UGT2A2: variants seen among roughly 807,000 people sequenced by gnomAD.
UGT2A2 encodes the protein UDP-glucuronosyltransferase 2A2.
A neutral mutation model predicts 50.7 loss-of-function variants in UGT2A2; 60 were observed. The ratio of observed to expected loss-of-function variants is 1.18; its 90% CI spans 0.96 to 1.47. The LOEUF is 1.47. UGT2A2 is among the 40% of genes most tolerant of loss of function. The pLI, the probability that UGT2A2 is intolerant of heterozygous loss-of-function variation, is 0.00. For missense variants in UGT2A2, 762 were observed against 634.0 expected (o/e 1.20, Z -2.17); for synonymous variants, 242 against 214.6 (o/e 1.13, Z -1.11).
intron 1 of UGT2A2, among the ~76,000 whole-genome samples, chr4:69,636,312 G>A (rs1721708239): frequency 1.3e-5 from 2 of 152,252 alleles, no homozygotes; most frequent in East Asian, 1.9e-4. Flanking sequence ...TTCAATATCA[G>A]TTTACAGTTA....
In UGT2A2 at chr4:69,625,017, C is replaced by T. The variant is rs1197143160; in HGVS notation, c.742+13882G>A. On this transcript the variant is annotated intron_variant, in intron 1 of 5. Coordinates refer to ENST00000604629, the MANE Select transcript of UGT2A2 (RefSeq NM_001105677.2). ...TCTTGTAGCAACAAAAAAAATCAGC[C>T]TTTATTTTTAAAATTAAATTGGCTG... Among the ~76,000 whole-genome samples the T allele has an allele frequency of 2.0e-5, 3 of 151,146 alleles. No homozygotes were observed. In the East Asian group the frequency reaches 5.8e-4, roughly 29 times the overall value.
intron 5 of UGT2A2, among the ~76,000 whole-genome samples, chr4:69,592,465 G>C (rs1028144124): frequency 7.2e-5 from 11 of 152,184 alleles, no homozygotes; most frequent in Non-Finnish European, 1.6e-4. Flanking sequence ...CAATAATAGC[G>C]GGAGGGTAAT....
intron 1 of UGT2A2, among the ~76,000 whole-genome samples, chr4:69,616,833 C>CTTTTTTTTTTTTTTT (rs4148315): frequency 3.1e-5 from 4 of 127,260 alleles, no homozygotes; most frequent in Non-Finnish European, 4.9e-5. Context: ...ATTTTCTTTT[C>CTTTTTTTTTTTTTTT]TTTTTTTTTT....
intron 1 of UGT2A2, among the ~76,000 whole-genome samples, chr4:69,625,834 A>C (rs575455712): frequency 5.3e-5 from 8 of 151,736 alleles, no homozygotes; most frequent in African/African-American, 1.7e-4. Context: ...TAGTCTTGTA[A>C]GTTGTCCAAC....
At chr4:69,629,099 C>T (rs181020650) in intron 1 of UGT2A2, among the ~76,000 whole-genome samples, 7 of 151,976 alleles carry the variant, frequency 4.6e-5, no homozygotes, top group Admixed American at 4.6e-4. Context: ...TCAAACATTG[C>T]TATTCCCTCT....
At chr4:69,616,019 A>G (rs555015225) in intron 1 of UGT2A2, among the ~76,000 whole-genome samples, 2 of 152,050 alleles carry the variant, frequency 1.3e-5, no homozygotes. Flanking sequence ...ATGTGCATCA[A>G]TGGGTGAATC....
At chr4:69,598,536 T>C (rs1719068180) in intron 2 of UGT2A2, among the ~76,000 whole-genome samples, 1 of 152,138 alleles carries the variant, frequency 6.6e-6, no homozygotes, top group Admixed American at 6.5e-5. Flanking sequence ...CATTTGTATC[T>C]CTCAGTTTTA....
chr4:69,606,114 C>T (rs1004453070), intron 1 of UGT2A2, among the ~76,000 whole-genome samples: 6 of 116,958 alleles, frequency 5.1e-5, no homozygotes, highest in Admixed American at 4.0e-4. Flanking sequence ...GGCAGAGACA[C>T]AACAAAAAAA....
intron 5 of UGT2A2, among the ~76,000 whole-genome samples, chr4:69,590,579 C>A (rs778859708): frequency 1.3e-4 from 20 of 151,794 alleles, no homozygotes; most frequent in Non-Finnish European, 2.4e-4. Context: ...ACATGGTCAT[C>A]ATTTACAAGA....
At chr4:69,599,685 G>T in intron 1 of UGT2A2, 1 of 254,124 alleles carries the variant, frequency 3.9e-6, no homozygotes, top group Non-Finnish European at 7.2e-6. Context: ...GAAAGAGGTA[G>T]AAATAAAGAA....
At chr4:69,611,848 T>C (rs942943526) in intron 1 of UGT2A2, among the ~76,000 whole-genome samples, 1 of 152,164 alleles carries the variant, frequency 6.6e-6, no homozygotes, top group South Asian at 2.1e-4. Context: ...GAAAGCCTAA[T>C]GGATTGCCCT....
rs560689473 is a variant in UGT2A2, at chr4:69,609,602, C to A, written c.743-10208G>T. On this transcript the variant is annotated intron_variant, in intron 1 of 5. Coordinates refer to ENST00000604629, the MANE Select transcript of UGT2A2 (RefSeq NM_001105677.2). ...TTGCAGAACAATGGGAAATATAACA[C>A]CCTACTCGTGAAAGTATAAACTAGT... Among the ~76,000 whole-genome samples the A allele has an allele frequency of 6.8e-4, 103 of 152,202 alleles. 1 individual carries two copies. Among genetic ancestry groups the A allele is most frequent in the African/African-American group, 2.2e-3 (91 of 41,532 alleles).
intron 1 of UGT2A2, among the ~76,000 whole-genome samples, chr4:69,619,785 T>C (rs749817977): frequency 6.6e-6 from 1 of 151,996 alleles, no homozygotes; most frequent in Non-Finnish European, 1.5e-5. Context: ...TGCAGCAGCA[T>C]ATCTAAAAGC....
At chr4:69,621,109 G>T (rs1436518194) in intron 1 of UGT2A2, among the ~76,000 whole-genome samples, 1 of 151,798 alleles carries the variant, frequency 6.6e-6, no homozygotes, top group Admixed American at 6.6e-5. Flanking sequence ...TTATGACAAA[G>T]ATGCCGAAAG....
At chr4:69,593,551 T>C (rs1718709590) in intron 5 of UGT2A2, among the ~76,000 whole-genome samples, 1 of 149,268 alleles carries the variant, frequency 6.7e-6, no homozygotes, top group Non-Finnish European at 1.5e-5. Context: ...CTAAGCTATA[T>C]ATATAGACTT....
chr4:69,631,029 A>G (rs1288979733), intron 1 of UGT2A2, among the ~76,000 whole-genome samples: 1 of 152,198 alleles, frequency 6.6e-6, no homozygotes, highest in Non-Finnish European at 1.5e-5. Flanking sequence ...ATATGAAATC[A>G]TCGACATAAG....
At position 69,589,197 on chromosome 4, in the gene UGT2A2, T is replaced by C. The variant is rs1385991559; in HGVS notation, c.*175A>G. ...ACTATAACTCACAAGTTAATAATAA[T>C]CATGCCAAAATCTAGGCTTTATCAG... On this transcript the variant is annotated 3_prime_UTR_variant, in exon 6 of 6. Coordinates refer to ENST00000604629, the MANE Select transcript of UGT2A2 (RefSeq NM_001105677.2). 4 of 803,196 alleles carry C rather than the reference T, an allele frequency of 5.0e-6. No homozygotes were observed. The South Asian group carries it at 9.4e-5, about 19-fold the overall frequency. The allele number at this position is 803,196 out of a possible 1,614,324, so 49.8% of individuals were successfully genotyped here.
At position 69,588,814 on chromosome 4, in the gene UGT2A2, A is replaced by G. The variant is rs567835738; in HGVS notation, c.*558T>C. The G allele has an allele frequency of 1.3e-5, 2 of 152,284 alleles. No homozygotes were observed. The highest frequency in any genetic ancestry group is 3.9e-4 in the East Asian group (2 of 5,160). 9.4% of individuals were successfully genotyped at this position (152,284 alleles called of 1,614,324 possible). A position where few individuals can be genotyped will look rare whatever the true frequency, so the allele number is the denominator to read the frequency against. On this transcript the variant is annotated 3_prime_UTR_variant, in exon 6 of 6. Coordinates refer to ENST00000604629, the MANE Select transcript of UGT2A2 (RefSeq NM_001105677.2). ...TTTTGTAGACATTTAATAGGGACGC[A>G]CGTCACACTTAAAATTCATTCTCTA...
Position 69,595,162 on chromosome 4 carries a change from CAAG to C in UGT2A2, c.1108_1110del (p.Leu370del). On this transcript the variant is annotated inframe_deletion and splice_region_variant, in exon 4 of 6. Coordinates refer to ENST00000604629, the MANE Select transcript of UGT2A2 (RefSeq NM_001105677.2). ...AGCTTTTCTTTCCCCACAGTCTTAC[CAAG>C]AAGATCATTCTGGGGTATCCAATCA... is the stretch of plus-strand genomic sequence containing the variant. 1.2e-6 allele frequency: 2 copies of C among 1,613,800 alleles called. No individual in the cohort carries two copies. The highest frequency in any genetic ancestry group is 1.7e-4 in the Middle Eastern group (1 of 6,058).
Sources: gnomAD v4.1 joint callset for allele counts (sites outside exome capture counted in the v4.1 genomes callset) on GRCh38, gnomAD v4.1.1 for gene constraint, MANE v1.5 for transcripts, NCBI Gene and HGNC (gene_info 2026-07-23, HGNC 2026-07-21) for gene names.